Variants in TMEM176B observed in about 807,000 individuals in gnomAD.
The protein encoded by TMEM176B is transmembrane protein 176B, also known as LR8-like protein.
Under a neutral mutation model 30.3 loss-of-function variants are expected in TMEM176B, and 28 were observed. The observed-to-expected ratio is 0.92, with a 90% CI of 0.68 to 1.27. The LOEUF (loss-of-function observed/expected upper bound fraction) is 1.27. TMEM176B is among the 50% of genes most tolerant of loss of function. The pLI is 0.00. For missense variants in TMEM176B, 349 were observed against 327.4 expected (o/e 1.07, Z -0.51); for synonymous variants, 123 against 130.3 (o/e 0.94, Z 0.38).
At chr7:150,797,950 C>T (rs149394449) in intron 1 of TMEM176B, among the ~76,000 whole-genome samples, 11 of 152,286 alleles carry the variant, frequency 7.2e-5, no homozygotes, top group Non-Finnish European at 1.2e-4. Flanking sequence ...TTATCCTCCA[C>T]GGAGGTGGTA....
intron 4 of TMEM176B, 103 bp downstream of exon 4, chr7:150,793,441 A>G (rs1217771832): frequency 6.5e-7 from 1 of 1,531,114 alleles, no homozygotes; most frequent in Non-Finnish European, 8.9e-7. Context: ...CCCTCCAAGA[A>G]AGACCCCAAG....
chr7:150,791,975 C>A (rs201482046), intron 6 of TMEM176B, 81 bp downstream of exon 6: 11 of 1,590,864 alleles, frequency 6.9e-6, no homozygotes, highest in Non-Finnish European at 8.6e-6. Context: ...GTTCGGGTGC[C>A]CCTGGCCCCG....
At chr7:150,798,860 A>G (rs1269240411) in intron 1 of TMEM176B, among the ~76,000 whole-genome samples, 1 of 152,092 alleles carries the variant, frequency 6.6e-6, no homozygotes, top group Non-Finnish European at 1.5e-5. Flanking sequence ...TTCTTTATCT[A>G]TTCACAAAAT....
chr7:150,794,358 C>T (rs924188992), intron 2 of TMEM176B, among the ~76,000 whole-genome samples: 35 of 151,996 alleles, frequency 2.3e-4, no homozygotes, highest in African/African-American at 8.5e-4. Context: ...CTTTTCCCCC[C>T]CCATTCTCCT....
At chr7:150,792,391 G>A (rs138399046) in intron 5 of TMEM176B, among the ~76,000 whole-genome samples, 13 of 152,250 alleles carry the variant, frequency 8.5e-5, no homozygotes, top group African/African-American at 1.9e-4. Flanking sequence ...CCTTCAACCC[G>A]TAGAATCTGG....
intron 2 of TMEM176B, 151 bp from the exon 3 acceptor site, chr7:150,794,222 T>C (rs952895245): frequency 3.4e-6 from 2 of 587,588 alleles, no homozygotes; most frequent in Non-Finnish European, 6.0e-6. Context: ...GAAGATTCTG[T>C]CCCCTTAAAA....
intron 5 of TMEM176B, 63 bp downstream of exon 5, chr7:150,793,025 C>A: frequency 5.2e-6 from 8 of 1,533,166 alleles, no homozygotes; most frequent in Non-Finnish European, 6.3e-6. Flanking sequence ...CCTCCAGGGC[C>A]CCCAGCTCCC....
chr7:150,798,339 TG>T (rs2116708032), intron 1 of TMEM176B, among the ~76,000 whole-genome samples: 1 of 152,328 alleles, frequency 6.6e-6, no homozygotes, highest in East Asian at 1.9e-4. Context: ...CAGGCTAGGG[TG>T]GCGCGATCTC....
At chr7:150,794,907 CCA>C (rs3220239) in intron 2 of TMEM176B, among the ~76,000 whole-genome samples, 3,805 of 141,588 alleles carry the variant, frequency 0.027, 92 homozygotes, top group African/African-American at 0.059. Flanking sequence ...TCCCCTACTA[CCA>C]CACACACACA....
chr7:150,793,292 G>A lies in TMEM176B; in HGVS notation c.396C>T (p.Thr132=). The A allele has an allele frequency of 6.2e-7, 1 of 1,614,122 alleles. No individual in the cohort carries two copies. The highest frequency in any genetic ancestry group is 8.5e-7 in the Non-Finnish European group (1 of 1,180,026). ...CCATAGCTGTAGCAAAGCCTGCCAG[G>A]GTGAGCAGGCTGGATATATAGCCCT... The part of the protein sequence containing the change: ...KLAGYISSLL[T]LAGFATAMAA... Residue 132 remains threonine, a synonymous_variant, in exon 5 of 7, where the codon ACC becomes ACT. Transcript: ENST00000326442.
At chr7:150,795,895 C>T (rs917496525) in intron 2 of TMEM176B, among the ~76,000 whole-genome samples, 1 of 152,132 alleles carries the variant, frequency 6.6e-6, no homozygotes, top group African/African-American at 2.4e-5. Flanking sequence ...GAAAGCTGAG[C>T]CTACAAATGG....
intron 2 of TMEM176B, among the ~76,000 whole-genome samples, chr7:150,794,353 C>A (rs896180363): frequency 6.6e-6 from 1 of 150,876 alleles, no homozygotes; most frequent in Non-Finnish European, 1.5e-5. Context: ...TCCCACTTTT[C>A]CCCCCCCATT....
chr7:150,796,548 C>A lies in TMEM176B; in HGVS notation c.22G>T (p.Val8Leu), dbSNP rs1314000204. MTQNTVI[V>L]NGVAMASRPS... ...CTAGAGGCCATAGCAACTCCATTCA[C>A]AATCACCGTGTTTTGCGTCATCCTG... Residue 8 changes from valine to leucine, a missense_variant, in exon 2 of 7, where the codon GTG becomes TTG. By Grantham distance (32) the Val-to-Leu change is conservative. Transcript: ENST00000326442. 1 of 1,614,104 alleles carries A rather than the reference C, an allele frequency of 6.2e-7. No individual in the cohort carries two copies. Among genetic ancestry groups the A allele is most frequent in the Non-Finnish European group, 8.5e-7 (1 of 1,180,048 alleles).
At chr7:150,794,191 CT>C in intron 2 of TMEM176B, 120 bp from the exon 3 acceptor site, 1 of 635,674 alleles carries the variant, frequency 1.6e-6, no homozygotes. Context: ...CTGCCTTGAC[CT>C]CTCTGCAGCT....
At chr7:150,794,713 A>T (rs747647406) in intron 2 of TMEM176B, among the ~76,000 whole-genome samples, 7 of 151,878 alleles carry the variant, frequency 4.6e-5, no homozygotes, top group Non-Finnish European at 1.0e-4. Context: ...CAGAGTCTGC[A>T]TTGCAGCCTG....
chr7:150,800,970 T>C, upstream of TMEM176B: 5 of 985,874 alleles, frequency 5.1e-6, no homozygotes, highest in Non-Finnish European at 6.0e-6. Flanking sequence ...GGAAGCCAGG[T>C]GCGGCCCCGG....
At chr7:150,793,396 T>C in intron 4 of TMEM176B, 81 bp from the exon 5 acceptor site, 1 of 1,515,250 alleles carries the variant, frequency 6.6e-7, no homozygotes, top group Non-Finnish European at 9.0e-7. Flanking sequence ...ATCCCTCTCC[T>C]CTTCCCCAGC....
intron 2 of TMEM176B, among the ~76,000 whole-genome samples, chr7:150,795,201 T>A (rs1179901554): frequency 6.6e-6 from 1 of 152,172 alleles, no homozygotes; most frequent in Non-Finnish European, 1.5e-5. Flanking sequence ...CTGCTCAGAA[T>A]CCATTGACAG....
Position 150,796,593 on chromosome 7 carries a change from A to T in TMEM176B, c.-5-19T>A. On this transcript the variant is annotated intron_variant, in intron 1 of 6. Transcript: ENST00000326442. ...ATCCTGCCTGCCAGGGAGAAGACAT[A>T]TAGCAGTGAGGTCTGGGAACTAGGC... The T allele has an allele frequency of 6.2e-7, 1 of 1,612,542 alleles. No individual in the cohort carries two copies. Among genetic ancestry groups the T allele is most frequent in the Non-Finnish European group, 8.5e-7 (1 of 1,179,448 alleles).
Sources: allele counts gnomAD v4.1 joint callset (sites outside exome capture counted in the v4.1 genomes callset), GRCh38; gene constraint gnomAD v4.1.1; transcripts MANE v1.5; gene names NCBI Gene and HGNC (gene_info 2026-07-23, HGNC 2026-07-21).